RBPJ: variants seen among roughly 807,000 people sequenced by gnomAD.
RBPJ encodes the protein recombination signal binding protein for immunoglobulin kappa J region, also known as recombining binding protein suppressor of hairless.
RBPJ carries 9 observed loss-of-function variants against 67.8 expected under a neutral mutation model. The ratio of observed to expected loss-of-function variants is 0.13; its 90% confidence interval spans 0.08 to 0.23. RBPJ has a LOEUF of 0.23. RBPJ is among the 10% of genes least tolerant of loss of function. The pLI, the probability that RBPJ is intolerant of heterozygous loss-of-function variation, is 1.00. For missense variants in RBPJ, 305 were observed against 595.6 expected, an observed-to-expected ratio of 0.51 and a Z score of 5.08; for synonymous variants, 198 against 203.3, an observed-to-expected ratio of 0.97 and a Z score of 0.22.
intron 4 of RBPJ, among the ~76,000 whole-genome samples, chr4:26,417,592 G>C (rs1734719995): frequency 1.3e-5 from 2 of 152,112 alleles, no homozygotes. Flanking sequence ...TTTATGTAAA[G>C]CAAGACTGGT....
At chr4:26,190,182 G>T (rs1717427395) in intron 1 of RBPJ, among the ~76,000 whole-genome samples, 1 of 152,196 alleles carries the variant, frequency 6.6e-6, no homozygotes, top group Admixed American at 6.5e-5. Flanking sequence ...GCTTTGCTTT[G>T]TTCTCATGGA....
At chr4:26,109,024 A>G in the RBPJ span, among the ~76,000 whole-genome samples, 1 of 151,740 alleles carries the variant, frequency 6.6e-6, no homozygotes, top group African/African-American at 2.4e-5. Context: ...CTGATCCCTC[A>G]TTCTTACTCT....
the RBPJ span, chr4:26,111,900 T>A: frequency 4.7e-6 from 1 of 211,396 alleles, no homozygotes; most frequent in Non-Finnish European, 1.0e-5. Flanking sequence ...CATTCAAGGA[T>A]GTATGCATAG....
chr4:26,287,452 C>T (rs1408260900), intron 1 of RBPJ, among the ~76,000 whole-genome samples: 1 of 151,086 alleles, frequency 6.6e-6, no homozygotes, highest in Non-Finnish European at 1.5e-5. Context: ...ACTCAGAAGG[C>T]TCGAGTGGGA....
chr4:26,414,723 G>A (rs1734390081), intron 3 of RBPJ, among the ~76,000 whole-genome samples: 1 of 152,200 alleles, frequency 6.6e-6, no homozygotes. Flanking sequence ...CTAAATAAAA[G>A]ATTATAAGAA....
At chr4:26,399,070 T>A (rs1029351783) in intron 2 of RBPJ, among the ~76,000 whole-genome samples, 6 of 152,224 alleles carry the variant, frequency 3.9e-5, no homozygotes, top group East Asian at 3.8e-4. Context: ...TCCAGAATTT[T>A]AAAAATCCTG....
At chr4:26,229,947 G>A (rs767125513) in intron 1 of RBPJ, among the ~76,000 whole-genome samples, 5 of 152,148 alleles carry the variant, frequency 3.3e-5, no homozygotes, top group Non-Finnish European at 7.4e-5. Context: ...CTAGCACTTT[G>A]GGAGGCCAAG....
At chr4:26,202,256 T>TA (rs1718005505) in intron 1 of RBPJ, among the ~76,000 whole-genome samples, 1 of 151,996 alleles carries the variant, frequency 6.6e-6, no homozygotes, top group Admixed American at 6.5e-5. Flanking sequence ...ATTGTATTTC[T>TA]AAAAAAAGAC....
At chr4:26,256,747 G>A (rs1274186421) in intron 1 of RBPJ, among the ~76,000 whole-genome samples, 1 of 152,182 alleles carries the variant, frequency 6.6e-6, no homozygotes, top group Non-Finnish European at 1.5e-5. Flanking sequence ...CTTACAAATC[G>A]AGTTTGCAAA....
In RBPJ at chr4:26,431,231, A is replaced by G. The variant is rs1259932058; in HGVS notation, c.*224A>G. The G allele has an allele frequency of 9.2e-5, 37 of 403,148 alleles. No individual in the cohort carries two copies. Among genetic ancestry groups the G allele is most frequent in the Non-Finnish European group, 1.5e-4 (35 of 229,324 alleles). The allele number at this position is 403,148 out of a possible 1,614,324, so 25.0% of individuals were successfully genotyped here. On this transcript the variant is annotated 3_prime_UTR_variant, in exon 11 of 11. Transcript: ENST00000355476. ...AAAAAAGAAAAAAAAATCAAAATGT[A>G]TAAATATTGGAAATCAAGTTTTTCA...
chr4:26,114,755 ATATATT>A, the RBPJ span, among the ~76,000 whole-genome samples: 1 of 152,036 alleles, frequency 6.6e-6, no homozygotes, highest in Non-Finnish European at 1.5e-5. Flanking sequence ...GTATATGTAA[ATATATT>A]TGTACACACA....
intron 1 of RBPJ, among the ~76,000 whole-genome samples, chr4:26,212,115 G>A (rs191040764): frequency 3.9e-5 from 6 of 152,056 alleles, no homozygotes; most frequent in Non-Finnish European, 8.8e-5. Flanking sequence ...GGCACTTTTT[G>A]TTACAACAAC....
At chr4:26,415,687 G>C (rs1560338156) in intron 4 of RBPJ, 47 bp downstream of exon 4, 1 of 1,506,254 alleles carries the variant, frequency 6.6e-7, no homozygotes, top group Admixed American at 2.4e-5. Context: ...CATGGTACCA[G>C]AATGTAGTTT....
At chr4:26,279,771 G>T (rs1386618857) in intron 1 of RBPJ, among the ~76,000 whole-genome samples, 2 of 147,980 alleles carry the variant, frequency 1.4e-5, no homozygotes, top group African/African-American at 4.9e-5. Flanking sequence ...TTTTGTGAGT[G>T]AAGTTGAAAT....
At chr4:26,191,186 T>G (rs1172192077) in intron 1 of RBPJ, among the ~76,000 whole-genome samples, 1 of 32,056 alleles carries the variant, frequency 3.1e-5, no homozygotes, top group East Asian at 1.2e-3. Context: ...AAAAAATATA[T>G]ATATATATAT....
chr4:26,293,106 A>G (rs1396234744), intron 1 of RBPJ, among the ~76,000 whole-genome samples: 2 of 150,406 alleles, frequency 1.3e-5, no homozygotes, highest in Non-Finnish European at 1.5e-5. Context: ...AAAGGTAAGC[A>G]GAAGCCACAC....
chr4:26,228,592 T>A (rs545377699), intron 1 of RBPJ, among the ~76,000 whole-genome samples: 27 of 152,290 alleles, frequency 1.8e-4, no homozygotes, highest in African/African-American at 5.5e-4. Context: ...TTCTATAACA[T>A]CTTCCAAAAA....
At chr4:26,199,571 G>A (rs1717908706) in intron 1 of RBPJ, among the ~76,000 whole-genome samples, 1 of 152,174 alleles carries the variant, frequency 6.6e-6, no homozygotes, top group Non-Finnish European at 1.5e-5. Context: ...GATTGAGCCT[G>A]GAGTGGCTGG....
chr4:26,310,243 C>A (rs1052918939), intron 1 of RBPJ, among the ~76,000 whole-genome samples: 1 of 152,172 alleles, frequency 6.6e-6, no homozygotes, highest in Non-Finnish European at 1.5e-5. Context: ...TATGGAATTG[C>A]AGAGTCTGAT....
Sources: allele counts gnomAD v4.1 joint callset (sites outside exome capture counted in the v4.1 genomes callset), GRCh38; gene constraint gnomAD v4.1.1; transcripts MANE v1.5; gene names NCBI Gene and HGNC (gene_info 2026-07-23, HGNC 2026-07-21).